The following LRP1B variants were observed in gnomAD, a reference collection of about 807,000 sequenced individuals.
LRP1B encodes the protein LDL receptor related protein 1B.
LRP1B carries 217 observed loss-of-function variants against 556.6 expected under a neutral mutation model. The observed-to-expected ratio is 0.39, with a 90% confidence interval of 0.35 to 0.44. The LOEUF (loss-of-function observed/expected upper bound fraction) is 0.44, where lower values mean the gene tolerates loss of function less well. LRP1B is among the 20% of genes least tolerant of loss of function. The pLI, the probability that LRP1B is intolerant of heterozygous loss-of-function variation, is 1.00. For synonymous variants in LRP1B, 2,047 were observed against 1,865.8 expected (o/e 1.10, Z -2.50); for missense variants, 5,053 against 5,620.8 (o/e 0.90, Z 3.23).
chr2:140,552,289 A>G (rs1680573255), intron 43 of LRP1B, among the ~76,000 whole-genome samples: 1 of 152,146 alleles, frequency 6.6e-6, no homozygotes, highest in Non-Finnish European at 1.5e-5. Flanking sequence ...ACATAAATAA[A>G]AACAGTTATT....
chr2:141,990,770 G>T (rs1228770707), intron 1 of LRP1B, among the ~76,000 whole-genome samples: 2 of 151,992 alleles, frequency 1.3e-5, no homozygotes, highest in African/African-American at 4.8e-5. Context: ...ATATTTTTAA[G>T]TAGCTGACTT....
At chr2:140,745,899 A>G in intron 35 of LRP1B, among the ~76,000 whole-genome samples, 1 of 152,210 alleles carries the variant, frequency 6.6e-6, no homozygotes, top group Non-Finnish European at 1.5e-5. Flanking sequence ...TCTGTTTAGC[A>G]GAAACAATAT....
At chr2:141,272,952 A>G (rs1405313122) in intron 3 of LRP1B, among the ~76,000 whole-genome samples, 1 of 152,238 alleles carries the variant, frequency 6.6e-6, no homozygotes, top group African/African-American at 2.4e-5. Flanking sequence ...CTTGAGCAAC[A>G]TTATAAACAA....
chr2:141,853,239 G>A (rs1050461667), intron 1 of LRP1B, among the ~76,000 whole-genome samples: 10 of 151,516 alleles, frequency 6.6e-5, no homozygotes, highest in African/African-American at 2.2e-4. Context: ...ATTTATTGAC[G>A]TATCTGGGAT....
chr2:142,072,651 C>T (rs1350855812), intron 1 of LRP1B, among the ~76,000 whole-genome samples: 1 of 151,790 alleles, frequency 6.6e-6, no homozygotes, highest in Non-Finnish European at 1.5e-5. Context: ...TGTATGTGGC[C>T]CAAGACAATT....
chr2:141,068,113 T>C (rs557953984), intron 7 of LRP1B, among the ~76,000 whole-genome samples: 37 of 152,110 alleles, frequency 2.4e-4, no homozygotes, highest in African/African-American at 4.8e-4. Context: ...ACCGCCCATA[T>C]TATTTAACGT....
chr2:142,085,433 A>G (rs1335904154), intron 1 of LRP1B, among the ~76,000 whole-genome samples: 1 of 152,192 alleles, frequency 6.6e-6, no homozygotes, highest in South Asian at 2.1e-4. Context: ...TATTCATTCA[A>G]TCAATAATCA....
intron 2 of LRP1B, among the ~76,000 whole-genome samples, chr2:141,737,506 A>C (rs72847422): frequency 6.6e-6 from 1 of 152,132 alleles, no homozygotes; most frequent in African/African-American, 2.4e-5. Flanking sequence ...TTAAAATACA[A>C]AACAGTTTTC....
intron 35 of LRP1B, among the ~76,000 whole-genome samples, chr2:140,728,914 T>C (rs1687684728): frequency 6.6e-6 from 1 of 152,078 alleles, no homozygotes. Context: ...AATCCATCTG[T>C]GTTAAATACC....
intron 3 of LRP1B, among the ~76,000 whole-genome samples, chr2:141,360,554 A>G (rs190542908): frequency 1.4e-4 from 21 of 152,326 alleles, no homozygotes; most frequent in Non-Finnish European, 3.1e-4. Context: ...AGAAACCCCA[A>G]GTCAAAAAGA....
At position 140,616,801 on chromosome 2, in the gene LRP1B, A is replaced by G. The variant is rs190377179; in HGVS notation, c.6800-15162T>C. Among the ~76,000 whole-genome samples, 9 of 151,958 alleles carry G rather than the reference A, an allele frequency of 5.9e-5. No individual in the cohort carries two copies. The East Asian group carries it at 9.7e-4, about 16-fold the overall frequency. ...AAAGTTTATCTTTAATAGTTTATGG[A>G]AAAAAATCAATTCTTTTATCCTTTG... On this transcript the variant is annotated intron_variant, in intron 41 of 90. Transcript: ENST00000389484.
At chr2:141,044,222 G>C (rs980401609) in intron 11 of LRP1B, among the ~76,000 whole-genome samples, 4 of 151,392 alleles carry the variant, frequency 2.6e-5, no homozygotes, top group African/African-American at 4.9e-5. Flanking sequence ...GCCGTATGTA[G>C]AAAGCTGAAA....
chr2:142,071,637 G>A (rs1170915459), intron 1 of LRP1B, among the ~76,000 whole-genome samples: 1 of 151,970 alleles, frequency 6.6e-6, no homozygotes, highest in Non-Finnish European at 1.5e-5. Flanking sequence ...CCCAACAGAG[G>A]CAAAGTTGAG....
chr2:141,385,665 C>A (rs1418899283), intron 3 of LRP1B, among the ~76,000 whole-genome samples: 1 of 151,942 alleles, frequency 6.6e-6, no homozygotes, highest in Non-Finnish European at 1.5e-5. Context: ...TTTTAAAAAC[C>A]ATTCAGTAGA....
intron 2 of LRP1B, among the ~76,000 whole-genome samples, chr2:141,708,372 G>A (rs1692229954): frequency 6.6e-6 from 1 of 152,014 alleles, no homozygotes; most frequent in African/African-American, 2.4e-5. Flanking sequence ...TTTTAACAGG[G>A]GTCAAATGAG....
intron 79 of LRP1B, among the ~76,000 whole-genome samples, chr2:140,326,699 C>CA (rs66927159): frequency 0.045 from 6,261 of 138,484 alleles, 305 homozygotes; most frequent in African/African-American, 0.12. Flanking sequence ...CCCCCTGCCT[C>CA]AAAAAAAAAA....
At chr2:141,418,994 A>G (rs993663812) in intron 3 of LRP1B, among the ~76,000 whole-genome samples, 1 of 151,772 alleles carries the variant, frequency 6.6e-6, no homozygotes, top group South Asian at 2.1e-4. Context: ...TCTTTTCTCA[A>G]TTTTCTTATT....
intron 2 of LRP1B, among the ~76,000 whole-genome samples, chr2:141,690,703 A>G (rs1049170908): frequency 6.6e-6 from 1 of 151,294 alleles, no homozygotes; most frequent in Non-Finnish European, 1.5e-5. Flanking sequence ...AAACTCTGGT[A>G]TCAGAGTTTG....
intron 2 of LRP1B, among the ~76,000 whole-genome samples, chr2:141,481,212 A>G (rs1027859341): frequency 6.6e-6 from 1 of 152,162 alleles, no homozygotes; most frequent in Non-Finnish European, 1.5e-5. Flanking sequence ...TGTTTTTAAG[A>G]TAAGCTTAAA....
Sources: allele counts gnomAD v4.1 joint callset (sites outside exome capture counted in the v4.1 genomes callset), GRCh38; gene constraint gnomAD v4.1.1; transcripts MANE v1.5; gene names NCBI Gene and HGNC (gene_info 2026-07-23, HGNC 2026-07-21).